The following RNF13 variants were observed in gnomAD, a reference collection of about 807,000 sequenced individuals.
RNF13 encodes E3 ubiquitin-protein ligase RNF13.
A neutral mutation model predicts 37.7 loss-of-function variants in RNF13; 19 were observed. That is an observed-to-expected ratio of 0.50 (90% CI 0.35 to 0.74). RNF13 has a LOEUF of 0.74. Ranked by LOEUF, RNF13 falls within the 30% of genes least tolerant of loss-of-function variation. RNF13 has a pLI of 0.01. For missense variants in RNF13, 375 were observed against 453.0 expected (o/e 0.83, Z 1.56); for synonymous variants, 144 against 157.8 (o/e 0.91, Z 0.65).
At chr3:149,882,872 C>G (rs919459975) in intron 4 of RNF13, among the ~76,000 whole-genome samples, 1 of 151,986 alleles carries the variant, frequency 6.6e-6, no homozygotes, top group Non-Finnish European at 1.5e-5. Flanking sequence ...AAAATAATGC[C>G]CTCAAGACAA....
chr3:149,855,134 A>G (rs891540939), intron 3 of RNF13, among the ~76,000 whole-genome samples: 5 of 152,124 alleles, frequency 3.3e-5, no homozygotes, highest in African/African-American at 4.8e-5. Flanking sequence ...CCTGAGCAAC[A>G]TGGTGAAACC....
intron 8 of RNF13, among the ~76,000 whole-genome samples, chr3:149,955,926 C>G (rs1324239183): frequency 6.6e-6 from 1 of 152,116 alleles, no homozygotes; most frequent in Admixed American, 6.6e-5. Context: ...GGTAATTCCT[C>G]TTTCTAAATT....
intron 8 of RNF13, among the ~76,000 whole-genome samples, chr3:149,951,426 T>C (rs368343460): frequency 6.6e-6 from 1 of 152,364 alleles, no homozygotes; most frequent in South Asian, 2.1e-4. Context: ...ACTGTTTTAT[T>C]ACCTCATGTC....
intron 5 of RNF13, among the ~76,000 whole-genome samples, chr3:149,901,608 A>G (rs1331188777): frequency 6.6e-6 from 1 of 152,100 alleles, no homozygotes; most frequent in Non-Finnish European, 1.5e-5. Flanking sequence ...GATGTGTGGT[A>G]TTACTTTTTA....
At chr3:149,905,776 A>G (rs969099968) in intron 6 of RNF13, among the ~76,000 whole-genome samples, 1 of 152,030 alleles carries the variant, frequency 6.6e-6, no homozygotes, top group Non-Finnish European at 1.5e-5. Flanking sequence ...AGTTATTCCA[A>G]TGGGGTTTTT....
intron 3 of RNF13, 90 bp from the exon 4 acceptor site, chr3:149,871,939 C>T: frequency 8.5e-7 from 1 of 1,181,468 alleles, no homozygotes. Flanking sequence ...TAATGCAAAA[C>T]ACATGACAAA....
intron 8 of RNF13, among the ~76,000 whole-genome samples, chr3:149,928,452 C>T (rs1382705045): frequency 1.3e-5 from 2 of 152,092 alleles, no homozygotes; most frequent in Non-Finnish European, 2.9e-5. Flanking sequence ...AATATCTTGG[C>T]ACTCTCATCA....
chr3:149,845,084 G>A (rs1416152675), intron 1 of RNF13, among the ~76,000 whole-genome samples: 1 of 152,042 alleles, frequency 6.6e-6, no homozygotes, highest in Non-Finnish European at 1.5e-5. Context: ...CTTTGTAAAT[G>A]GTACCTTAAA....
intron 2 of RNF13, 149 bp downstream of exon 2, chr3:149,846,289 G>T: frequency 1.8e-6 from 1 of 541,930 alleles, no homozygotes; most frequent in Non-Finnish European, 3.3e-6. Flanking sequence ...TTGACATTGA[G>T]GTACCTTATT....
intron 3 of RNF13, among the ~76,000 whole-genome samples, chr3:149,867,048 T>C (rs911342948): frequency 6.6e-6 from 1 of 152,288 alleles, no homozygotes; most frequent in Non-Finnish European, 1.5e-5. Flanking sequence ...GGTTATTGAT[T>C]CTTTGTTGAT....
intron 6 of RNF13, among the ~76,000 whole-genome samples, chr3:149,907,744 G>C (rs553964633): frequency 1.9e-4 from 29 of 152,322 alleles, no homozygotes; most frequent in South Asian, 1.2e-3. Flanking sequence ...GAATACCTGG[G>C]ACATAGTAAA....
At chr3:149,910,280 C>CT (rs1401860094) in intron 6 of RNF13, among the ~76,000 whole-genome samples, 1 of 152,120 alleles carries the variant, frequency 6.6e-6, no homozygotes, top group East Asian at 1.9e-4. Context: ...TGCTGATTTT[C>CT]TTTTTTACAC....
intron 1 of RNF13, among the ~76,000 whole-genome samples, chr3:149,838,510 C>CT (rs1721869220): frequency 6.6e-6 from 1 of 152,208 alleles, no homozygotes; most frequent in African/African-American, 2.4e-5. Context: ...TTCTGTGCAC[C>CT]TGCAGGCTCA....
chr3:149,928,471 T>C (rs530337663), intron 8 of RNF13, among the ~76,000 whole-genome samples: 1 of 152,252 alleles, frequency 6.6e-6, no homozygotes, highest in South Asian at 2.1e-4. Context: ...CAAAAATAAG[T>C]TGGCCATAGA....
intron 8 of RNF13, among the ~76,000 whole-genome samples, chr3:149,932,861 G>C (rs940668605): frequency 6.6e-6 from 1 of 152,234 alleles, no homozygotes; most frequent in Non-Finnish European, 1.5e-5. Context: ...CCCTGGTAGG[G>C]AGTCTGTGTT....
At chr3:149,860,266 A>AAAAAAAAAAAAAAAAAAATAT (rs1724084961) in intron 3 of RNF13, among the ~76,000 whole-genome samples, 1 of 92,784 alleles carries the variant, frequency 1.1e-5, no homozygotes, top group Non-Finnish European at 2.2e-5. Flanking sequence ...TAAAAAAAAA[A>AAAAAAAAAAAAAAAAAAATAT]AAAAATATAT....
At chr3:149,888,218 C>T (rs1409868776) in intron 4 of RNF13, among the ~76,000 whole-genome samples, 1 of 152,118 alleles carries the variant, frequency 6.6e-6, no homozygotes, top group Non-Finnish European at 1.5e-5. Flanking sequence ...CTCTACCTCA[C>T]ATATATTTTT....
At chr3:149,948,156 G>A in intron 8 of RNF13, among the ~76,000 whole-genome samples, 1 of 151,892 alleles carries the variant, frequency 6.6e-6, no homozygotes, top group East Asian at 1.9e-4. Context: ...TCACCATGCT[G>A]GCCAGGCTGG....
intron 7 of RNF13, among the ~76,000 whole-genome samples, chr3:149,919,163 T>G: frequency 6.6e-6 from 1 of 152,204 alleles, no homozygotes; most frequent in East Asian, 1.9e-4. Flanking sequence ...AGGTATGATT[T>G]GATATAATAA....
Sources: gnomAD v4.1 joint callset for allele counts (sites outside exome capture counted in the v4.1 genomes callset) on GRCh38, gnomAD v4.1.1 for gene constraint, MANE v1.5 for transcripts, NCBI Gene and HGNC (gene_info 2026-07-23, HGNC 2026-07-21) for gene names.